The following TNRC6B variants were observed in gnomAD, a reference collection of about 807,000 sequenced individuals.
TNRC6B encodes trinucleotide repeat containing adaptor 6B, also known as trinucleotide repeat-containing gene 6B protein.
In TNRC6B, 52 loss-of-function variants were observed where a neutral mutation model predicts 203.6. The ratio of observed to expected loss-of-function variants is 0.26; its 90% confidence interval spans 0.20 to 0.32. The LOEUF (loss-of-function observed/expected upper bound fraction) is 0.32. Ranked by LOEUF, TNRC6B falls within the 10% of genes least tolerant of loss-of-function variation. The pLI, the probability that TNRC6B is intolerant of heterozygous loss-of-function variation, is 1.00. For missense variants in TNRC6B, 1,923 were observed against 2,286.2 expected, an observed-to-expected ratio of 0.84 and a Z score of 3.24; for synonymous variants, 838 against 845.7, an observed-to-expected ratio of 0.99 and a Z score of 0.16.
chr22:40,158,819 G>T (rs2068843585), intron 4 of TNRC6B, among the ~76,000 whole-genome samples: 1 of 152,124 alleles, frequency 6.6e-6, no homozygotes, highest in Non-Finnish European at 1.5e-5. Flanking sequence ...TGTGAGCAAA[G>T]GTGCTGTGTT....
chr22:40,317,407 G>A (rs928989042), intron 21 of TNRC6B, among the ~76,000 whole-genome samples: 8 of 152,142 alleles, frequency 5.3e-5, no homozygotes, highest in Middle Eastern at 3.4e-3. Context: ...GTGAAACCCC[G>A]TCTTTACTGA....
At chr22:40,283,813 A>G (rs1296384240) in intron 11 of TNRC6B, among the ~76,000 whole-genome samples, 3 of 152,250 alleles carry the variant, frequency 2.0e-5, no homozygotes, top group Non-Finnish European at 4.4e-5. Context: ...ATTCTTTTCA[A>G]TGCTTGTTAT....
rs1352131870 is a variant in TNRC6B, at chr22:40,285,789, C to T, written c.3708+19C>T. The T allele has an allele frequency of 6.2e-7, 1 of 1,610,814 alleles. No homozygotes were observed. The highest frequency in any genetic ancestry group is 2.2e-5 in the East Asian group (1 of 44,864). On this transcript the variant is annotated intron_variant, in intron 12 of 22. Coordinates refer to ENST00000454349, the MANE Select transcript of TNRC6B (RefSeq NM_001162501.2). Reference sequence around the variant, plus strand: ...CCCCCAGGTAAGCAATTTTACGTTCCTGTGATTCAAAATGAAAGACCATTT... The same window carrying T: ...CCCCCAGGTAAGCAATTTTACGTTCTTGTGATTCAAAATGAAAGACCATTT...
rs2068962533 is a variant in TNRC6B at position 40,170,344 on chromosome 22, ATATATATATTATGTATATAGTT to A, written c.113+14172_113+14193del. ...ATATTATATATATTATATATAGTTTATATATATATTATGTATATAGTTTATATATATATTATATATATAGTTT... is the reference window on the plus strand; with the variant it reads ...ATATTATATATATTATATATAGTTTATATATATATATTATATATATAGTTT... On this transcript the variant is annotated intron_variant, in intron 4 of 23. Coordinates refer to the TNRC6B transcript ENST00000301923. Among the ~76,000 whole-genome samples the A allele has an allele frequency of 3.9e-5, 3 of 76,312 alleles. 1 individual carries two copies. Among genetic ancestry groups the A allele is most frequent in the Non-Finnish European group, 7.0e-5 (3 of 43,114 alleles). The allele number at this position is 76,312 out of a possible 152,430, so 50.1% of individuals were successfully genotyped here. A position where few individuals can be genotyped will look rare whatever the true frequency, so the allele number is the denominator to read the frequency against.
At chr22:40,307,900 A>G (rs972021817) in intron 15 of TNRC6B, among the ~76,000 whole-genome samples, 4 of 152,074 alleles carry the variant, frequency 2.6e-5, no homozygotes, top group Non-Finnish European at 5.9e-5. Flanking sequence ...CCTTGGCCTA[A>G]TATATAAAGA....
intron 1 of TNRC6B, among the ~76,000 whole-genome samples, chr22:40,234,693 T>C (rs974492754): frequency 5.3e-5 from 8 of 152,240 alleles, no homozygotes; most frequent in Non-Finnish European, 7.3e-5. Context: ...GAAATTTCTT[T>C]ATCCCTTAAA....
chr22:40,154,205 T>C (rs1017682794), intron 3 of TNRC6B, among the ~76,000 whole-genome samples: 1 of 152,168 alleles, frequency 6.6e-6, no homozygotes, highest in Admixed American at 6.5e-5. Flanking sequence ...GGCTCACTGC[T>C]GTAATCCCAG....
intron 1 of TNRC6B, among the ~76,000 whole-genome samples, chr22:40,069,304 C>A (rs1210100300): frequency 2.0e-5 from 3 of 151,586 alleles, no homozygotes; most frequent in Non-Finnish European, 4.4e-5. Flanking sequence ...TGGGGTCTCC[C>A]TATGTTGTCC....
chr22:40,235,329 G>A (rs1191028123), intron 1 of TNRC6B, among the ~76,000 whole-genome samples: 1 of 152,078 alleles, frequency 6.6e-6, no homozygotes, highest in Non-Finnish European at 1.5e-5. Context: ...CTGAGGGTCA[G>A]GTGACGCCCA....
intron 12 of TNRC6B, among the ~76,000 whole-genome samples, chr22:40,291,564 G>A (rs1273440036): frequency 6.6e-6 from 1 of 152,176 alleles, no homozygotes; most frequent in African/African-American, 2.4e-5. Context: ...ACTAGAACCT[G>A]ATGTTAACAT....
chr22:40,223,175 C>G (rs2069738379), intron 1 of TNRC6B, among the ~76,000 whole-genome samples: 1 of 151,680 alleles, frequency 6.6e-6, no homozygotes, highest in African/African-American at 2.4e-5. Context: ...GAGTTTTGCT[C>G]TGTTGCCCAG....
intron 2 of TNRC6B, among the ~76,000 whole-genome samples, chr22:40,118,205 A>C (rs2068408998): frequency 6.6e-6 from 1 of 152,144 alleles, no homozygotes; most frequent in Non-Finnish European, 1.5e-5. Flanking sequence ...CACTTACCTG[A>C]AGACAGTAGC....
At chr22:40,227,075 A>AATT (rs66592054) in intron 1 of TNRC6B, among the ~76,000 whole-genome samples, 7,412 of 136,974 alleles carry the variant, frequency 0.054, 223 homozygotes, top group East Asian at 0.099. Context: ...ACACCCAGCT[A>AATT]ATTATTATTA....
intron 3 of TNRC6B, among the ~76,000 whole-genome samples, chr22:40,255,456 G>A (rs1007259177): frequency 9.2e-5 from 14 of 152,108 alleles, no homozygotes; most frequent in African/African-American, 2.9e-4. Flanking sequence ...TATTGGAGGG[G>A]TCCCCTCCAT....
intron 1 of TNRC6B, among the ~76,000 whole-genome samples, chr22:40,216,087 C>G (rs912555385): frequency 6.6e-6 from 1 of 152,230 alleles, no homozygotes; most frequent in African/African-American, 2.4e-5. Context: ...CCACACAGGT[C>G]TTATTTTAGC....
rs1216748772 is a variant in TNRC6B at position 40,315,403 on chromosome 22, G to A, written c.4799G>A (p.Arg1600His). The A allele has an allele frequency of 5.0e-6, 8 of 1,613,928 alleles. No homozygotes were observed. Among genetic ancestry groups the A allele is most frequent in the South Asian group, 1.1e-5 (1 of 91,078 alleles). The change falls in exon 20 of 23, where the codon CGC (arginine) becomes CAC (histidine). Residue 1600 changes from arginine to histidine, a missense_variant. Arg to His is a conservative substitution (Grantham distance 29, BLOSUM62 0). Around this residue, in one of 8 missense-constraint regions of TNRC6B, gnomAD observed 159 missense variants for 181.0 expected, o/e 0.88. Coordinates refer to ENST00000454349, the MANE Select transcript of TNRC6B (RefSeq NM_001162501.2). ...ISSRNTTPLP[R>H]PPPGLTNPKP... ...TCCAGGAACACTACACCGCTGCCCC[G>A]CCCACCTCCTGGTCTGACCAACCCC...
intron 1 of TNRC6B, among the ~76,000 whole-genome samples, chr22:40,092,097 A>G (rs2068155166): frequency 6.6e-6 from 1 of 152,190 alleles, no homozygotes. Context: ...AGTCAGCAGA[A>G]CCAACAAAAA....
At chr22:40,121,778 T>G (rs2068448663) in intron 2 of TNRC6B, among the ~76,000 whole-genome samples, 1 of 152,252 alleles carries the variant, frequency 6.6e-6, no homozygotes, top group Non-Finnish European at 1.5e-5. Flanking sequence ...ATGTGCCTAG[T>G]GTACGCAGCC....
intron 1 of TNRC6B, among the ~76,000 whole-genome samples, chr22:40,201,015 T>C (rs2069405342): frequency 6.6e-6 from 1 of 152,214 alleles, no homozygotes. Flanking sequence ...CATCCCCATT[T>C]AACAGAGCTG....
Sources: gnomAD v4.1 joint callset for allele counts (sites outside exome capture counted in the v4.1 genomes callset) on GRCh38, gnomAD v4.1.1 for gene constraint, gnomAD v4.1.1 regional missense constraint, MANE v1.5 for transcripts, NCBI Gene and HGNC (gene_info 2026-07-23, HGNC 2026-07-21) for gene names.